The following DIABLO variants were observed in gnomAD, a reference collection of about 807,000 sequenced individuals.
DIABLO encodes the protein diablo homolog, mitochondrial.
DIABLO carries 32 observed loss-of-function variants against 31.7 expected under a neutral mutation model. That is an observed-to-expected ratio of 1.01 (90% CI 0.76 to 1.35). The LOEUF (loss-of-function observed/expected upper bound fraction) is 1.35, where lower values mean the gene tolerates loss of function less well. Among genes scored for constraint, DIABLO ranks in the 40% most tolerant of loss-of-function variants. DIABLO has a pLI of 0.00. For synonymous variants in DIABLO, 132 were observed against 103.2 expected, an observed-to-expected ratio of 1.28 and a Z score of -1.69; for missense variants, 316 against 286.4, an observed-to-expected ratio of 1.10 and a Z score of -0.75.
At chr12:122,212,609 G>A (rs1165503438) in intron 5 of DIABLO, among the ~76,000 whole-genome samples, 2 of 149,356 alleles carry the variant, frequency 1.3e-5, no homozygotes, top group African/African-American at 2.5e-5. Flanking sequence ...TTACTTTATT[G>A]TTCGCTTATT....
chr12:122,216,646 T>TA, intron 4 of DIABLO, 62 bp from the exon 5 acceptor site: 1 of 1,559,890 alleles, frequency 6.4e-7, no homozygotes, highest in South Asian at 1.1e-5. Context: ...TAAATGGACT[T>TA]AAAGTAGTAG....
chr12:122,212,841 G>A (rs1013845494), intron 5 of DIABLO, among the ~76,000 whole-genome samples: 3 of 151,858 alleles, frequency 2.0e-5, no homozygotes, highest in Admixed American at 6.6e-5. Context: ...TAACCAGGAT[G>A]GTCTTTATCT....
chr12:122,214,719 CTTTTT>C (rs112840220), intron 5 of DIABLO, among the ~76,000 whole-genome samples: 12 of 149,954 alleles, frequency 8.0e-5, no homozygotes, highest in Admixed American at 3.3e-4. Context: ...ATCCCAGTTT[CTTTTT>C]TTTTTCTTGA....
At chr12:122,219,682 C>CCAA (rs1400694760) in intron 2 of DIABLO, among the ~76,000 whole-genome samples, 1 of 151,586 alleles carries the variant, frequency 6.6e-6, no homozygotes, top group Non-Finnish European at 1.5e-5. Context: ...TGGCGAAACC[C>CCAA]CAACTCTACT....
At position 122,209,665 on chromosome 12, in the gene DIABLO, C is replaced by T. The variant is rs759270805; in HGVS notation, c.524-1088G>A. ...AGGTGAGAGTGAAACTCGTCTCCCCCCCAAAAAAAAAAATGAGCTCTCTCA... is the reference window on the plus strand; with the variant it reads ...AGGTGAGAGTGAAACTCGTCTCCCCTCCAAAAAAAAAAATGAGCTCTCTCA... On this transcript the variant is annotated intron_variant, in intron 5 of 5. Coordinates refer to ENST00000464942, the MANE Select transcript of DIABLO (RefSeq NM_001371333.1). 10 of 683,052 alleles carry T rather than the reference C, an allele frequency of 1.5e-5. No individual in the cohort carries two copies. In the Middle Eastern group the frequency reaches 7.0e-4, roughly 48 times the overall value. The allele number at this position is 683,052 out of a possible 1,614,324, so 42.3% of individuals were successfully genotyped here.
At chr12:122,223,705 G>A (rs1258040590) in intron 2 of DIABLO, among the ~76,000 whole-genome samples, 1 of 152,128 alleles carries the variant, frequency 6.6e-6, no homozygotes, top group Non-Finnish European at 1.5e-5. Context: ...GGCTCTTTCA[G>A]AACATTCAGA....
chr12:122,225,590 G>A, intron 1 of DIABLO: 5 of 1,204,746 alleles, frequency 4.2e-6, no homozygotes, highest in Non-Finnish European at 5.2e-6. Flanking sequence ...CTGCCCTCGG[G>A]AGGACGTCTT....
At chr12:122,215,091 G>C (rs1366007728) in intron 5 of DIABLO, among the ~76,000 whole-genome samples, 1 of 152,202 alleles carries the variant, frequency 6.6e-6, no homozygotes, top group Non-Finnish European at 1.5e-5. Flanking sequence ...ACTTTGAGAG[G>C]CTGAAGTGAG....
intron 2 of DIABLO, chr12:122,221,674 A>G (rs948494456): frequency 1.3e-5 from 2 of 152,180 alleles, no homozygotes; most frequent in East Asian, 1.9e-4. Flanking sequence ...CTGGGATTAC[A>G]AGAGAGAGCC....
chr12:122,223,743 T>C (rs1452614542), intron 2 of DIABLO, among the ~76,000 whole-genome samples: 2 of 152,200 alleles, frequency 1.3e-5, no homozygotes, highest in African/African-American at 4.8e-5. Context: ...CAGAGTAGCT[T>C]GACCACCTTT....
Position 122,211,645 on chromosome 12 carries a change from C to T in DIABLO, c.524-3068G>A, listed in dbSNP as rs1029621684. On this transcript the variant is annotated intron_variant, in intron 5 of 5. Transcript: ENST00000464942. ...GCAGTAAGCTGTGATCATGCCATTA[C>T]ACTCCAGCCTGGGCAACAGAGCAAG... Among the ~76,000 whole-genome samples, 15 of 152,026 alleles carry T rather than the reference C, an allele frequency of 9.9e-5. No homozygotes were observed. In the South Asian group the frequency reaches 2.5e-3, roughly 25 times the overall value.
At chr12:122,221,925 A>T (rs1954342416) in intron 2 of DIABLO, 1 of 152,242 alleles carries the variant, frequency 6.6e-6, no homozygotes, top group African/African-American at 2.4e-5. Context: ...CTATGGATTC[A>T]TCAGCATGCA....
At chr12:122,225,441 C>T in intron 1 of DIABLO, 1 of 1,001,612 alleles carries the variant, frequency 1.0e-6, no homozygotes. Context: ...AAACGGATGC[C>T]ACAATAACCG....
chr12:122,219,889 G>C (rs1954297431), intron 2 of DIABLO, among the ~76,000 whole-genome samples: 1 of 151,360 alleles, frequency 6.6e-6, no homozygotes, highest in South Asian at 2.1e-4. Context: ...GTGGATGGGG[G>C]AGGGCAATTC....
chr12:122,211,132 G>GCTC (rs1446722910), intron 5 of DIABLO, among the ~76,000 whole-genome samples: 1 of 144,186 alleles, frequency 6.9e-6, no homozygotes, highest in Non-Finnish European at 1.5e-5. Context: ...GGGCACAGTG[G>GCTC]CTCACGCCTG....
At chr12:122,209,685 C>G (rs1954035871) in intron 5 of DIABLO, 1 of 682,356 alleles carries the variant, frequency 1.5e-6, no homozygotes, top group South Asian at 1.5e-5. Context: ...AAAATGAGCT[C>G]TCTCATTTTA....
At chr12:122,217,528 A>T (rs1954242371) in intron 3 of DIABLO, 1 of 154,500 alleles carries the variant, frequency 6.5e-6, no homozygotes, top group South Asian at 2.0e-4. Flanking sequence ...AAAATTTATT[A>T]TTTTTTACAA....
chr12:122,218,804 G>T (rs1310101716), intron 2 of DIABLO: 3 of 275,838 alleles, frequency 1.1e-5, no homozygotes, highest in Non-Finnish European at 2.1e-5. Context: ...TAGCTGGGCC[G>T]TAGTGGTGTG....
chr12:122,211,825 ACATTT>A (rs1954095168), intron 5 of DIABLO, among the ~76,000 whole-genome samples: 1 of 152,146 alleles, frequency 6.6e-6, no homozygotes, highest in South Asian at 2.1e-4. Flanking sequence ...CTCATTAAGT[ACATTT>A]CATGATTGAT....
Sources: gnomAD v4.1 joint callset for allele counts (sites outside exome capture counted in the v4.1 genomes callset) on GRCh38, gnomAD v4.1.1 for gene constraint, MANE v1.5 for transcripts, NCBI Gene and HGNC (gene_info 2026-07-23, HGNC 2026-07-21) for gene names.